The following MOXD1 variants were observed in gnomAD, a reference collection of about 807,000 sequenced individuals.
MOXD1 encodes monooxygenase DBH like 1.
A neutral mutation model predicts 66.6 loss-of-function variants in MOXD1; 62 were observed. The observed-to-expected ratio is 0.93, with a 90% confidence interval of 0.76 to 1.15. The LOEUF (loss-of-function observed/expected upper bound fraction) is 1.15. Ranked by LOEUF, MOXD1 falls within the 50% of genes most tolerant of loss-of-function variation. The pLI is 0.00. For missense variants in MOXD1, 847 were observed against 754.6 expected, an observed-to-expected ratio of 1.12 and a Z score of -1.44; for synonymous variants, 303 against 281.9, an observed-to-expected ratio of 1.07 and a Z score of -0.75.
Position 132,297,778 on chromosome 6 carries a change from AG to A in MOXD1, c.1677+8del, listed in dbSNP as rs1386603806. 28 of 1,582,380 alleles carry A rather than the reference AG, an allele frequency of 1.8e-5. No homozygotes were observed. Among genetic ancestry groups the A allele is most frequent in the Non-Finnish European group, 2.4e-5 (28 of 1,169,508 alleles). On this transcript the variant is annotated splice_region_variant and intron_variant, in intron 11 of 11. Transcript: ENST00000367963. The stretch of plus-strand genomic sequence containing the variant: ...TCATCTGGGTTGTCAGAGGTTAAAA[AG>A]AGCTTACCGACCACTCAGCATTGTC...
intron 1 of MOXD1, among the ~76,000 whole-genome samples, chr6:132,393,053 G>A (rs927572113): frequency 1.3e-5 from 2 of 152,162 alleles, no homozygotes; most frequent in African/African-American, 4.8e-5. Context: ...ATATATGGTT[G>A]CTGAATTTCA....
At chr6:132,398,978 T>C (rs1166082908) in intron 1 of MOXD1, among the ~76,000 whole-genome samples, 1 of 149,184 alleles carries the variant, frequency 6.7e-6, no homozygotes, top group Non-Finnish European at 1.5e-5. Flanking sequence ...CACTTTTTGG[T>C]ATAGTTGCTG....
chr6:132,348,931 G>T (rs1479506564), intron 4 of MOXD1, among the ~76,000 whole-genome samples: 1 of 151,958 alleles, frequency 6.6e-6, no homozygotes, highest in East Asian at 1.9e-4. Context: ...TCTTCTACCT[G>T]CACAGTAACC....
At chr6:132,340,569 T>C (rs1358179065) in intron 4 of MOXD1, among the ~76,000 whole-genome samples, 1 of 150,268 alleles carries the variant, frequency 6.7e-6, no homozygotes, top group East Asian at 2.0e-4. Flanking sequence ...CCTGGTTCTA[T>C]AATGTGCTTG....
In MOXD1 at chr6:132,297,936, T is replaced by A. The variant is rs1307317908; in HGVS notation, c.1528A>T (p.Lys510Ter). Residue 510 changes from lysine (K) to a stop codon, truncating the protein, a stop_gained, in exon 11 of 12, where the codon AAA becomes TAA. Transcript: ENST00000367963. LOFTEE classifies it high-confidence loss of function. ...AGGTTTTTATATTGCTTGGGACTTT[T>A]GATAATGAAAGGCCAGGTCCTGAAT... Reference protein sequence around the residue: ...RPVTTWPFIIKSPKQYKNLSF... With the variant: ...RPVTTWPFII 9.3e-6 allele frequency: 15 copies of A among 1,609,398 alleles called. No homozygotes were observed. The highest frequency in any genetic ancestry group is 1.2e-5 in the Non-Finnish European group (14 of 1,178,516).
Position 132,401,225 on chromosome 6 carries a change from C to A in MOXD1, c.202G>T (p.Gly68Trp), listed in dbSNP as rs770438288. 6 of 1,577,658 alleles carry A rather than the reference C, an allele frequency of 3.8e-6. No individual in the cohort carries two copies. In the Admixed American group the frequency reaches 6.9e-5, roughly 18 times the overall value. ...GYVGFGFSPT[G>W]AMASADIVVG... Reference sequence around the variant, plus strand: ...ACGATGTCGGCGGACGCCATGGCCCCGGTGGGCGAGAAGCCGAAGCCCACG... The same window carrying A: ...ACGATGTCGGCGGACGCCATGGCCCAGGTGGGCGAGAAGCCGAAGCCCACG... Residue 68 changes from glycine (G) to tryptophan (W), a missense_variant, in exon 1 of 12, where the codon GGG becomes TGG. Physicochemically the swap from Gly to Trp is radical, Grantham distance 184. Coordinates refer to ENST00000367963, the MANE Select transcript of MOXD1 (RefSeq NM_015529.4).
intron 4 of MOXD1, among the ~76,000 whole-genome samples, chr6:132,339,921 G>A (rs1169074887): frequency 6.8e-6 from 1 of 147,576 alleles, no homozygotes. Flanking sequence ...CCAGGCTAGA[G>A]TGCAGTGGTA....
chr6:132,380,492 C>A (rs993936774), intron 1 of MOXD1, among the ~76,000 whole-genome samples: 1 of 152,088 alleles, frequency 6.6e-6, no homozygotes, highest in Non-Finnish European at 1.5e-5. Context: ...TCTCTTTTTC[C>A]TGCTAAGGCT....
chr6:132,341,577 A>G (rs1433975129), intron 4 of MOXD1, among the ~76,000 whole-genome samples: 1 of 152,098 alleles, frequency 6.6e-6, no homozygotes, highest in African/African-American at 2.4e-5. Context: ...TAAAGTCAGT[A>G]CTTCTTTTTC....
intron 4 of MOXD1, among the ~76,000 whole-genome samples, chr6:132,352,178 G>A (rs146899105): frequency 5.3e-5 from 8 of 151,970 alleles, no homozygotes; most frequent in South Asian, 2.1e-4. Flanking sequence ...GCTGGGTTTC[G>A]GTTTAGTTTG....
chr6:132,334,885 G>T (rs1215770531), intron 4 of MOXD1, among the ~76,000 whole-genome samples: 1 of 152,158 alleles, frequency 6.6e-6, no homozygotes, highest in Non-Finnish European at 1.5e-5. Context: ...ATCTACACTT[G>T]GTGGCATCTT....
intron 4 of MOXD1, among the ~76,000 whole-genome samples, chr6:132,363,007 T>C (rs1328961252): frequency 6.6e-6 from 1 of 152,266 alleles, no homozygotes; most frequent in African/African-American, 2.4e-5. Context: ...CCAGTCTCTG[T>C]GTACTCATAT....
rs1250361445 is a variant in MOXD1, at chr6:132,374,695, G to A, written c.347C>T (p.Thr116Ile). 5 of 1,613,818 alleles carry A rather than the reference G, an allele frequency of 3.1e-6. No homozygotes were observed. The highest frequency in any genetic ancestry group is 1.7e-4 in the Middle Eastern group (1 of 6,060). The stretch of plus-strand genomic sequence containing the variant: ...TCTGGTAAATTCAATTATTGTGTGT[G>A]TGCTATTTTCCATGGCATATTCTAG... ...YHLEYAMENS[T>I]HTIIEFTREL... The change falls in exon 2 of 12, where the codon ACA becomes ATA. Residue 116 changes from threonine to isoleucine, a missense_variant. Coordinates refer to ENST00000367963, the MANE Select transcript of MOXD1 (RefSeq NM_015529.4).
chr6:132,326,876 A>G (rs1007073807), intron 6 of MOXD1, among the ~76,000 whole-genome samples: 1 of 152,210 alleles, frequency 6.6e-6, no homozygotes, highest in Non-Finnish European at 1.5e-5. Context: ...TAAATATCAT[A>G]CCACGTGTCC....
intron 4 of MOXD1, among the ~76,000 whole-genome samples, chr6:132,360,372 G>A (rs945751646): frequency 3.9e-5 from 6 of 152,146 alleles, no homozygotes; most frequent in Non-Finnish European, 7.4e-5. Context: ...TGTTTATGAG[G>A]ACTGACAATC....
chr6:132,324,244 G>T, intron 6 of MOXD1, 147 bp from the exon 7 acceptor site: 1 of 787,694 alleles, frequency 1.3e-6, no homozygotes, highest in African/African-American at 1.8e-5. Flanking sequence ...GAGGGAAAGG[G>T]ATTCAAGCAG....
At chr6:132,313,406 G>C (rs1193885690) in intron 10 of MOXD1, among the ~76,000 whole-genome samples, 1 of 152,146 alleles carries the variant, frequency 6.6e-6, no homozygotes, top group East Asian at 1.9e-4. Flanking sequence ...ATTTCTTCTA[G>C]TGGTCATTTT....
chr6:132,328,731 G>A (rs1333303000), intron 4 of MOXD1, 137 bp from the exon 5 acceptor site: 3 of 822,450 alleles, frequency 3.6e-6, no homozygotes, highest in Admixed American at 3.0e-5. Context: ...AGGTTGTGTA[G>A]TTCAAGTCTA....
intron 4 of MOXD1, among the ~76,000 whole-genome samples, chr6:132,341,685 T>C (rs1345843281): frequency 2.6e-5 from 4 of 152,202 alleles, no homozygotes; most frequent in African/African-American, 9.7e-5. Context: ...ATGCACTATG[T>C]TCATTCTTAC....
Sources: allele counts gnomAD v4.1 joint callset (sites outside exome capture counted in the v4.1 genomes callset), GRCh38; gene constraint gnomAD v4.1.1; transcripts MANE v1.5; gene names NCBI Gene and HGNC (gene_info 2026-07-23, HGNC 2026-07-21).